TRPC6: variants seen among roughly 807,000 people sequenced by gnomAD.
TRPC6 encodes the protein short transient receptor potential channel 6.
TRPC6 carries 55 observed loss-of-function variants against 90.7 expected under a neutral mutation model. The ratio of observed to expected loss-of-function variants is 0.61; its 90% confidence interval spans 0.49 to 0.76. The LOEUF (loss-of-function observed/expected upper bound fraction) is 0.76, where lower values mean the gene tolerates loss of function less well. Ranked by LOEUF, TRPC6 falls within the 30% of genes least tolerant of loss-of-function variation. The pLI is 0.00. For synonymous variants in TRPC6, 393 were observed against 393.0 expected, an observed-to-expected ratio of 1.00 and a Z score of 0.00; for missense variants, 989 against 1,122.7, an observed-to-expected ratio of 0.88 and a Z score of 1.70.
chr11:101,476,161 A>T (rs76277340), intron 6 of TRPC6, 140 bp downstream of exon 6: 14 of 714,850 alleles, frequency 2.0e-5, no homozygotes, highest in Non-Finnish European at 2.4e-5. Context: ...CCTCACATAT[A>T]GATGCTCATT....
At chr11:101,560,650 AT>A (rs1861692309) in intron 1 of TRPC6, among the ~76,000 whole-genome samples, 1 of 138,610 alleles carries the variant, frequency 7.2e-6, no homozygotes, top group Admixed American at 7.1e-5. Context: ...CTACAGTGTG[AT>A]TAAAAAAAAA....
chr11:101,515,431 TG>T (rs945596080), intron 1 of TRPC6, among the ~76,000 whole-genome samples: 3 of 152,256 alleles, frequency 2.0e-5, no homozygotes, highest in Non-Finnish European at 4.4e-5. Context: ...TACCTTCATC[TG>T]TGACTATATA....
chr11:101,460,922 G>C (rs1253761422), intron 10 of TRPC6, among the ~76,000 whole-genome samples: 2 of 152,130 alleles, frequency 1.3e-5, no homozygotes, highest in Non-Finnish European at 2.9e-5. Flanking sequence ...TTATCCGTAA[G>C]AAAACATAAT....
At chr11:101,533,026 A>C (rs202185036) in intron 1 of TRPC6, among the ~76,000 whole-genome samples, 2,406 of 152,278 alleles carry the variant, frequency 0.016, 73 homozygotes, top group African/African-American at 0.055. Flanking sequence ...ATGGTGAGCC[A>C]CAAACCGAGA....
chr11:101,473,464 A>C (rs757073429), intron 7 of TRPC6, 45 bp downstream of exon 7: 1 of 1,603,566 alleles, frequency 6.2e-7, no homozygotes, highest in South Asian at 1.1e-5. Flanking sequence ...ACTAATATTT[A>C]TTTAATTTGC....
rs1862257832 is a variant in TRPC6, at chr11:101,583,703, T to C, written c.-200A>G. 2 of 518,972 alleles carry C rather than the reference T, an allele frequency of 3.9e-6. No homozygotes were observed. The highest frequency in any genetic ancestry group is 8.1e-5 in the Admixed American group (2 of 24,754). 32.1% of individuals were successfully genotyped at this position (518,972 alleles called of 1,614,324 possible). On this transcript the variant is annotated 5_prime_UTR_variant, in exon 1 of 13. Coordinates refer to ENST00000344327, the MANE Select transcript of TRPC6 (RefSeq NM_004621.6). ...CACTGGCCCGGGGAAAAGTCACCAC[T>C]TAAGGGGGTGCAAAGAGGATCTTGA...
intron 12 of TRPC6, 30 bp downstream of exon 12, chr11:101,453,618 CAG>C: frequency 6.2e-7 from 1 of 1,607,842 alleles, no homozygotes; most frequent in Non-Finnish European, 8.5e-7. Context: ...GACTCACATT[CAG>C]GGGCTGATTT....
At chr11:101,566,312 CA>C (rs2136875628) in intron 1 of TRPC6, among the ~76,000 whole-genome samples, 1 of 152,130 alleles carries the variant, frequency 6.6e-6, no homozygotes, top group Non-Finnish European at 1.5e-5. Context: ...TTCTTCATTT[CA>C]GTATTTAAGA....
intron 1 of TRPC6, among the ~76,000 whole-genome samples, chr11:101,574,936 C>T (rs901118391): frequency 6.6e-6 from 1 of 152,012 alleles, no homozygotes; most frequent in African/African-American, 2.4e-5. Context: ...TTTTGTGCTA[C>T]TACAAGTCAG....
chr11:101,492,783 C>T (rs1859859144), intron 2 of TRPC6, among the ~76,000 whole-genome samples: 2 of 152,140 alleles, frequency 1.3e-5, no homozygotes, highest in Admixed American at 1.3e-4. Flanking sequence ...GAGCATAGAA[C>T]ATTTGGAAAG....
chr11:101,478,313 T>G (rs1254585770), intron 5 of TRPC6, among the ~76,000 whole-genome samples: 2 of 152,122 alleles, frequency 1.3e-5, no homozygotes, highest in Non-Finnish European at 2.9e-5. Context: ...TCATATATAA[T>G]CTGGGGGATC....
At chr11:101,455,919 G>A (rs1459962951) in intron 10 of TRPC6, among the ~76,000 whole-genome samples, 1 of 152,010 alleles carries the variant, frequency 6.6e-6, no homozygotes, top group East Asian at 1.9e-4. Flanking sequence ...ATGAACATAA[G>A]CAATTATGGT....
At chr11:101,550,790 TGTA>T (rs1861432354) in intron 1 of TRPC6, among the ~76,000 whole-genome samples, 1 of 151,776 alleles carries the variant, frequency 6.6e-6, no homozygotes, top group Admixed American at 6.6e-5. Context: ...TCTTATCAAA[TGTA>T]GTACTTTGAA....
chr11:101,526,757 G>A (rs995298328), intron 1 of TRPC6, among the ~76,000 whole-genome samples: 4 of 150,602 alleles, frequency 2.7e-5, no homozygotes, highest in Admixed American at 6.6e-5. Context: ...CCAGCTACTC[G>A]GGAGGCTGAG....
rs199747455 is a variant in TRPC6, at chr11:101,489,034, C to T, written c.1196G>A (p.Arg399Gln). Residue 399 changes from arginine (R) to glutamine (Q), a missense_variant, in exon 4 of 13, where the codon CGA becomes CAA. Transcript: ENST00000344327. ...SIWYENLSGL[R>Q]QQTMAVKFLV... The stretch of plus-strand genomic sequence containing the variant: ...GAACTTGACCGCCATTGTCTGCTGT[C>T]GTAAACCAGAAAGATTCTCATACCA... 5.4e-5 allele frequency: 87 copies of T among 1,614,018 alleles called. No individual in the cohort carries two copies. The highest frequency in any genetic ancestry group is 6.9e-5 in the Non-Finnish European group (82 of 1,180,014).
chr11:101,526,861 C>CAAAAA lies in TRPC6; in HGVS notation c.171-22068_171-22064dup, dbSNP rs573864895. ...CCTGGGTGACAGAAGGAGACTGTCT[C>CAAAAA]AAAAAAAAAAAAAAAAAAAAAAAAA... On this transcript the variant is annotated intron_variant, in intron 1 of 12. Transcript: ENST00000344327. Among the ~76,000 whole-genome samples the CAAAAA allele has an allele frequency of 1.2e-3, 42 of 36,122 alleles. 7 individuals carry two copies. The highest frequency in any genetic ancestry group is 1.3e-3 in the African/African-American group (11 of 8,372). The allele number at this position is 36,122 out of a possible 152,430, so 23.7% of individuals were successfully genotyped here. A position where few individuals can be genotyped will look rare whatever the true frequency, so the allele number is the denominator to read the frequency against.
At position 101,583,438 on chromosome 11, in the gene TRPC6, A is replaced by C. The variant is rs775215053; in HGVS notation, c.66T>G (p.Ala22=). 2.6e-6 allele frequency: 4 copies of C among 1,549,158 alleles called. No individual in the cohort carries two copies. The South Asian group carries it at 4.8e-5, about 18-fold the overall frequency. The change falls in exon 1 of 13, where the codon GCT becomes GCG. Residue 22 remains alanine, a synonymous_variant. Transcript: ENST00000344327. ...AGTCCTGGCTCTCGTTGCGCCGCGC[A>C]GCGGCTCCGGCAGCGCCCCGGGGAG... is the stretch of plus-strand genomic sequence containing the variant. ...GSSPRGAAGA[A]ARRNESQDYL...
chr11:101,549,062 A>G (rs1360413655), intron 1 of TRPC6, among the ~76,000 whole-genome samples: 3 of 151,892 alleles, frequency 2.0e-5, no homozygotes. Context: ...TTTAAAATTA[A>G]AGACAATCCA....
chr11:101,538,338 T>C (rs183790549), intron 1 of TRPC6, among the ~76,000 whole-genome samples: 1 of 152,310 alleles, frequency 6.6e-6, no homozygotes, highest in African/African-American at 2.4e-5. Context: ...TTCTTTGAAT[T>C]TTTAGGAGGT....
Sources: gnomAD v4.1 joint callset for allele counts (sites outside exome capture counted in the v4.1 genomes callset) on GRCh38, gnomAD v4.1.1 for gene constraint, MANE v1.5 for transcripts, NCBI Gene and HGNC (gene_info 2026-07-23, HGNC 2026-07-21) for gene names.